The following EXOC1 variants were observed in gnomAD, a reference collection of about 807,000 sequenced individuals.
EXOC1 encodes exocyst complex component 1.
A neutral mutation model predicts 107.7 loss-of-function variants in EXOC1; 67 were observed. The ratio of observed to expected loss-of-function variants is 0.62; its 90% confidence interval spans 0.51 to 0.76. The LOEUF (loss-of-function observed/expected upper bound fraction) is 0.76, where lower values mean the gene tolerates loss of function less well. Among genes scored for constraint, EXOC1 ranks in the 30% least tolerant of loss-of-function variants. EXOC1 has a pLI of 0.00. For missense variants in EXOC1, 833 were observed against 1,055.7 expected (o/e 0.79, Z 2.92); for synonymous variants, 348 against 353.5 (o/e 0.98, Z 0.17).
Position 55,894,897 on chromosome 4 carries a change from C to T in EXOC1, c.1953+1117C>T, listed in dbSNP as rs374970258. 2.3e-4 allele frequency among the ~76,000 whole-genome samples: 35 copies of T among 152,114 alleles called. 1 individual carries two copies. Among genetic ancestry groups the T allele is most frequent in the Admixed American group, 1.0e-3 (16 of 15,276 alleles). ...TCAGCCTCCCAAAGTGCTGAGATTACAAGCAAGAGACACCGGCCATCTATC... is the reference window on the plus strand; with the variant it reads ...TCAGCCTCCCAAAGTGCTGAGATTATAAGCAAGAGACACCGGCCATCTATC... On this transcript the variant is annotated intron_variant, in intron 15 of 18. Transcript: ENST00000381295.
intron 12 of EXOC1, 29 bp from the exon 13 acceptor site, chr4:55,891,286 C>T (rs764754913): frequency 4.0e-5 from 57 of 1,414,940 alleles, no homozygotes; most frequent in Admixed American, 2.0e-4. Flanking sequence ...GCAGTTCTTT[C>T]GTTATAGGAT....
intron 13 of EXOC1, 80 bp downstream of exon 13, chr4:55,891,502 T>C (rs1724544752): frequency 1.0e-6 from 1 of 955,246 alleles, no homozygotes; most frequent in South Asian, 1.5e-5. Flanking sequence ...CACAATTTTA[T>C]GATCAGAAGA....
chr4:55,857,269 C>T (rs965019175), intron 1 of EXOC1, among the ~76,000 whole-genome samples: 1 of 145,768 alleles, frequency 6.9e-6, no homozygotes, highest in Non-Finnish European at 1.5e-5. Flanking sequence ...AGCTCCGCCT[C>T]CCGAGTTCAT....
intron 5 of EXOC1, 38 bp from the exon 6 acceptor site, chr4:55,870,640 G>T (rs1426243034): frequency 2.6e-6 from 4 of 1,515,792 alleles, no homozygotes; most frequent in Admixed American, 1.7e-5. Flanking sequence ...TTGTTTGTTT[G>T]TTTGTTTGTT....
intron 8 of EXOC1, among the ~76,000 whole-genome samples, chr4:55,875,051 G>A (rs1722766728): frequency 6.6e-6 from 1 of 152,036 alleles, no homozygotes; most frequent in Admixed American, 6.6e-5. Flanking sequence ...GACTGATTAT[G>A]TACATAACTT....
At chr4:55,903,158 AAAAAAAG>A (rs1560369940) in intron 18 of EXOC1, among the ~76,000 whole-genome samples, 4 of 145,498 alleles carry the variant, frequency 2.7e-5, no homozygotes, top group Non-Finnish European at 3.0e-5. Flanking sequence ...AAAAAAAAAA[AAAAAAAG>A]AAAGAAAGAA....
At chr4:55,877,753 G>A in intron 8 of EXOC1, 164 bp from the exon 9 acceptor site, 1 of 983,834 alleles carries the variant, frequency 1.0e-6, no homozygotes, top group Non-Finnish European at 1.2e-6. Flanking sequence ...GGATATAAAA[G>A]TTGTGTAAGT....
intron 12 of EXOC1, 76 bp downstream of exon 12, chr4:55,890,462 G>A: frequency 2.4e-6 from 3 of 1,275,556 alleles, no homozygotes; most frequent in South Asian, 2.7e-5. Context: ...CTCTAAGTGT[G>A]TTCAAAGATT....
intron 3 of EXOC1, among the ~76,000 whole-genome samples, chr4:55,861,553 C>T (rs1432418096): frequency 6.6e-6 from 1 of 152,148 alleles, no homozygotes; most frequent in East Asian, 1.9e-4. Flanking sequence ...GAAGTAAGAA[C>T]AATTTGAGGA....
chr4:55,859,760 G>A (rs574395630), intron 2 of EXOC1, among the ~76,000 whole-genome samples: 16 of 152,278 alleles, frequency 1.1e-4, no homozygotes, highest in Non-Finnish European at 2.2e-4. Flanking sequence ...ATGAATGGGA[G>A]TTGAATTTTA....
In EXOC1 at chr4:55,904,883, C is replaced by A. The variant is rs932106369; in HGVS notation, c.*388C>A. 1 of 157,268 alleles carries A rather than the reference C, an allele frequency of 6.4e-6. No individual in the cohort carries two copies. Among genetic ancestry groups the A allele is most frequent in the African/African-American group, 2.4e-5 (1 of 41,672 alleles). 9.7% of individuals were successfully genotyped at this position (157,268 alleles called of 1,614,324 possible). ...TGCTAATCATGTAACTACTAAAATACTGTACAAAATTGTTTTTTCACACTA... is the reference window on the plus strand; with the variant it reads ...TGCTAATCATGTAACTACTAAAATAATGTACAAAATTGTTTTTTCACACTA... On this transcript the variant is annotated 3_prime_UTR_variant, in exon 19 of 19. Coordinates refer to ENST00000381295, the MANE Select transcript of EXOC1 (RefSeq NM_001024924.2).
chr4:55,890,846 C>G (rs930009284), intron 12 of EXOC1, among the ~76,000 whole-genome samples: 2 of 152,174 alleles, frequency 1.3e-5, no homozygotes, highest in Non-Finnish European at 2.9e-5. Flanking sequence ...TCTTCTGCCT[C>G]CCTCCCAGGT....
chr4:55,899,023 A>G (rs975478207), intron 16 of EXOC1, among the ~76,000 whole-genome samples: 2 of 152,190 alleles, frequency 1.3e-5, no homozygotes, highest in Non-Finnish European at 2.9e-5. Flanking sequence ...GAGCAGTTGC[A>G]TTACAGCTGT....
At chr4:55,898,125 G>C (rs1342463722) in intron 16 of EXOC1, among the ~76,000 whole-genome samples, 1 of 152,094 alleles carries the variant, frequency 6.6e-6, no homozygotes, top group African/African-American at 2.4e-5. Context: ...AGACGTGGTG[G>C]TGTGTCCCTG....
At chr4:55,877,639 A>G (rs945066606) in intron 8 of EXOC1, 5 of 985,276 alleles carry the variant, frequency 5.1e-6, no homozygotes, top group Middle Eastern at 5.2e-4. Context: ...AAAACGTTCC[A>G]TCTTCATTCC....
In EXOC1 at chr4:55,892,535, T is replaced by A. The variant is rs190072047; in HGVS notation, c.1648-100T>A. Reference sequence around the variant, plus strand: ...TTTAAAAATATTTTTCATAATGTATTCTTTCCTAGGAATTTTAAGACTGAG... The same window carrying A: ...TTTAAAAATATTTTTCATAATGTATACTTTCCTAGGAATTTTAAGACTGAG... On this transcript the variant is annotated intron_variant, in intron 13 of 18. Transcript: ENST00000381295. 412 of 890,722 alleles carry A rather than the reference T, an allele frequency of 4.6e-4. 1 individual carries two copies. The highest frequency in any genetic ancestry group is 2.0e-3 in the East Asian group (81 of 41,014). 55.2% of individuals were successfully genotyped at this position (890,722 alleles called of 1,614,324 possible). A position where few individuals can be genotyped will look rare whatever the true frequency, so the allele number is the denominator to read the frequency against.
intron 15 of EXOC1, 90 bp from the exon 16 acceptor site, chr4:55,896,627 C>G: frequency 2.9e-6 from 3 of 1,028,864 alleles, no homozygotes; most frequent in Non-Finnish European, 4.1e-6. Context: ...ATGTATATAT[C>G]TATATCTCCA....
At chr4:55,854,831 A>G (rs781755496) in intron 1 of EXOC1, among the ~76,000 whole-genome samples, 7 of 152,216 alleles carry the variant, frequency 4.6e-5, no homozygotes, top group Non-Finnish European at 8.8e-5. Flanking sequence ...ACCTTAATAG[A>G]TATTTAAGTA....
Position 55,904,582 on chromosome 4 carries a change from C to T in EXOC1, c.*87C>T, listed in dbSNP as rs1324317391. On this transcript the variant is annotated 3_prime_UTR_variant, in exon 19 of 19. Transcript: ENST00000381295. ...AAATACCAAGCAACTGTTTTGAGAACCCAGACTTAAAATTTTATGTATTAT... is the reference window on the plus strand; with the variant it reads ...AAATACCAAGCAACTGTTTTGAGAATCCAGACTTAAAATTTTATGTATTAT... 1 of 1,336,340 alleles carries T rather than the reference C, an allele frequency of 7.5e-7. No individual in the cohort carries two copies. Among genetic ancestry groups the T allele is most frequent in the Admixed American group, 2.6e-5 (1 of 38,338 alleles). The allele number at this position is 1,336,340 out of a possible 1,614,324, so 82.8% of individuals were successfully genotyped here.
Sources: gnomAD v4.1 joint callset for allele counts (sites outside exome capture counted in the v4.1 genomes callset) on GRCh38, gnomAD v4.1.1 for gene constraint, MANE v1.5 for transcripts, NCBI Gene and HGNC (gene_info 2026-07-23, HGNC 2026-07-21) for gene names.